Variants in CD96 observed in about 807,000 individuals in gnomAD.
CD96 encodes the protein T-cell surface protein tactile.
In CD96, 70 loss-of-function variants were observed where a neutral mutation model predicts 71.3. The observed-to-expected ratio is 0.98, with a 90% CI of 0.81 to 1.20. CD96 has a LOEUF of 1.20. Ranked by LOEUF, CD96 falls within the 50% of genes most tolerant of loss-of-function variation. The probability of loss-of-function intolerance (pLI) is 0.00; values close to 1 mark genes in which losing one functional copy is unlikely to be tolerated. For missense variants in CD96, 742 were observed against 677.5 expected (o/e 1.10, Z -1.06); for synonymous variants, 248 against 233.0 (o/e 1.06, Z -0.59).
intron 14 of CD96, among the ~76,000 whole-genome samples, chr3:111,662,382 C>T (rs1940380548): frequency 1.3e-5 from 2 of 152,236 alleles, no homozygotes; most frequent in Non-Finnish European, 2.9e-5. Context: ...TTTACTTATG[C>T]AAACTTCTGC....
intron 12 of CD96, among the ~76,000 whole-genome samples, chr3:111,643,634 C>A (rs771405666): frequency 3.1e-4 from 47 of 151,206 alleles, no homozygotes; most frequent in Non-Finnish European, 5.5e-4. Flanking sequence ...GCAAAGTTTC[C>A]GAATACAAGA....
Position 111,545,270 on chromosome 3 carries a change from G to T in CD96, c.286G>T (p.Glu96Ter), listed in dbSNP as rs762000056. 2 of 1,614,098 alleles carry T rather than the reference G, an allele frequency of 1.2e-6. No individual in the cohort carries two copies. The highest frequency in any genetic ancestry group is 4.5e-5 in the East Asian group (2 of 44,872). The stretch of plus-strand genomic sequence containing the variant: ...ACTTGTGACTTTCACAGAAACTCCT[G>T]AGAATGGGTCAAAATGGACTCTGCA... Reference protein sequence around the residue: ...ESLVTFTETPENGSKWTLHLR... With the variant: ...ESLVTFTETP Residue 96 changes from glutamate (E) to a stop codon, truncating the protein, a stop_gained, in exon 2 of 14, where the codon GAG becomes TAG. Coordinates refer to ENST00000352690, the MANE Select transcript of CD96 (RefSeq NM_005816.5). LOFTEE classifies it high-confidence loss of function.
chr3:111,602,459 A>G (rs1191059824), intron 7 of CD96, among the ~76,000 whole-genome samples: 1 of 152,170 alleles, frequency 6.6e-6, no homozygotes, highest in Non-Finnish European at 1.5e-5. Flanking sequence ...TTAAATTGCC[A>G]AATGAGTCTT....
chr3:111,563,478 A>C (rs1168336101), intron 2 of CD96, among the ~76,000 whole-genome samples: 1 of 152,194 alleles, frequency 6.6e-6, no homozygotes, highest in Non-Finnish European at 1.5e-5. Context: ...CTGAGGCAAA[A>C]AGATTGAAGT....
chr3:111,574,066 A>G (rs1348181662), intron 3 of CD96, among the ~76,000 whole-genome samples: 1 of 152,208 alleles, frequency 6.6e-6, no homozygotes, highest in Non-Finnish European at 1.5e-5. Context: ...TGAAGATAAG[A>G]AACAGTTTGG....
At position 111,649,865 on chromosome 3, in the gene CD96, A is replaced by G. The variant is rs1175542591; in HGVS notation, c.*59A>G. On this transcript the variant is annotated 3_prime_UTR_variant, in exon 14 of 14. Coordinates refer to ENST00000352690, the MANE Select transcript of CD96 (RefSeq NM_005816.5). ...CTGGAATCCTATTGAGAAGGTAGAC[A>G]TTGTGCTTTATTAATATAGTCGCTC... 2 of 1,060,678 alleles carry G rather than the reference A, an allele frequency of 1.9e-6. No individual in the cohort carries two copies. Among genetic ancestry groups the G allele is most frequent in the African/African-American group, 3.1e-5 (2 of 64,204 alleles). The allele number at this position is 1,060,678 out of a possible 1,614,324, so 65.7% of individuals were successfully genotyped here.
intron 10 of CD96, among the ~76,000 whole-genome samples, chr3:111,629,817 C>A (rs1314212172): frequency 6.6e-6 from 1 of 152,188 alleles, no homozygotes. Flanking sequence ...AACAAAGTCT[C>A]TCAGACCACA....
intron 3 of CD96, among the ~76,000 whole-genome samples, chr3:111,571,220 GT>G (rs60706420): frequency 0.77 from 106,836 of 137,946 alleles, 41,093 homozygotes; most frequent in South Asian, 0.84. Context: ...TTGGTTTTTG[GT>G]TTTTTTTTTT....
chr3:111,550,913 G>C (rs982880909), intron 2 of CD96, among the ~76,000 whole-genome samples: 1 of 152,060 alleles, frequency 6.6e-6, no homozygotes, highest in African/African-American at 2.4e-5. Flanking sequence ...CTTGAGTCTG[G>C]GCATTAAAAA....
chr3:111,639,860 G>A (rs373557036), intron 12 of CD96, among the ~76,000 whole-genome samples: 22 of 152,292 alleles, frequency 1.4e-4, no homozygotes, highest in Middle Eastern at 3.4e-3. Context: ...TCACTGGGTG[G>A]CTAGACCCAG....
At chr3:111,586,354 T>TA (rs756385084) in intron 5 of CD96, among the ~76,000 whole-genome samples, 2 of 152,234 alleles carry the variant, frequency 1.3e-5, no homozygotes, top group Non-Finnish European at 2.9e-5. Context: ...TCTCTGGTCT[T>TA]ACTGAATATT....
intron 6 of CD96, among the ~76,000 whole-genome samples, chr3:111,600,065 C>T (rs185313151): frequency 6.6e-6 from 1 of 152,338 alleles, no homozygotes; most frequent in African/African-American, 2.4e-5. Context: ...AAATGCAATG[C>T]TTACAAATCT....
At chr3:111,638,018 G>T in intron 11 of CD96, 61 bp from the exon 12 acceptor site, 3 of 902,586 alleles carry the variant, frequency 3.3e-6, no homozygotes, top group Middle Eastern at 4.3e-4. Flanking sequence ...ACCCAATCAT[G>T]GTTTTATACC....
intron 5 of CD96, chr3:111,593,962 C>T: frequency 1.2e-6 from 2 of 1,614,130 alleles, no homozygotes; most frequent in Non-Finnish European, 8.5e-7. Context: ...GCCTGCCACA[C>T]AGGCGGCAGG....
chr3:111,641,259 A>G (rs148039781), intron 12 of CD96, among the ~76,000 whole-genome samples: 86 of 152,356 alleles, frequency 5.6e-4, no homozygotes, highest in Non-Finnish European at 9.4e-4. Flanking sequence ...AGACTCACCT[A>G]ACACATAAGG....
intron 14 of CD96, among the ~76,000 whole-genome samples, chr3:111,663,983 C>G (rs1940419517): frequency 1.3e-5 from 2 of 152,108 alleles, no homozygotes; most frequent in Admixed American, 6.5e-5. Context: ...ATCTCCTGAC[C>G]TCGTGATCTT....
intron 4 of CD96, among the ~76,000 whole-genome samples, chr3:111,580,819 T>C (rs1936431842): frequency 4.6e-5 from 7 of 152,188 alleles, no homozygotes; most frequent in Admixed American, 4.6e-4. Context: ...TCTCTTTTGC[T>C]ATCACCATTT....
chr3:111,548,877 CCAA>C (rs1440828729), intron 2 of CD96, among the ~76,000 whole-genome samples: 1 of 152,036 alleles, frequency 6.6e-6, no homozygotes, highest in Non-Finnish European at 1.5e-5. Flanking sequence ...TAGTCTTTAT[CCAA>C]CAAGTGTTTT....
At chr3:111,664,032 G>C (rs1036346137) in intron 14 of CD96, among the ~76,000 whole-genome samples, 1 of 152,188 alleles carries the variant, frequency 6.6e-6, no homozygotes, top group African/African-American at 2.4e-5. Context: ...TTACAGGCTT[G>C]AGCCACTGCG....
Sources: allele counts gnomAD v4.1 joint callset (sites outside exome capture counted in the v4.1 genomes callset), GRCh38; gene constraint gnomAD v4.1.1; transcripts MANE v1.5; gene names NCBI Gene and HGNC (gene_info 2026-07-23, HGNC 2026-07-21).